The following RNF20 variants were observed in gnomAD, a reference collection of about 807,000 sequenced individuals.
The protein encoded by RNF20 is ring finger protein 20, also known as E3 ubiquitin-protein ligase BRE1A.
Under a neutral mutation model 126.2 loss-of-function variants are expected in RNF20, and 84 were observed. The ratio of observed to expected loss-of-function variants is 0.67; its 90% CI spans 0.56 to 0.80. The LOEUF (loss-of-function observed/expected upper bound fraction) is 0.80. Ranked by LOEUF, RNF20 falls within the 30% of genes least tolerant of loss-of-function variation. The pLI is 0.00. For synonymous variants in RNF20, 400 were observed against 414.3 expected (o/e 0.97, Z 0.42); for missense variants, 869 against 1,188.2 (o/e 0.73, Z 3.95).
chr9:101,549,510 C>T (rs529670329), intron 9 of RNF20, among the ~76,000 whole-genome samples: 8 of 152,094 alleles, frequency 5.3e-5, no homozygotes, highest in East Asian at 1.9e-4. Context: ...TAACGGCGGA[C>T]GAGCCTGACT....
chr9:101,545,035 A>G (rs1438165704), intron 6 of RNF20, 150 bp downstream of exon 6: 2 of 644,190 alleles, frequency 3.1e-6, no homozygotes, highest in Non-Finnish European at 5.6e-6. Context: ...CCAAACCTCC[A>G]AATAATGAAT....
Position 101,557,542 on chromosome 9 carries a change from G to A in RNF20, c.2328G>A (p.Leu776=), listed in dbSNP as rs1827553496. 6.8e-6 allele frequency: 11 copies of A among 1,613,894 alleles called. 1 individual carries two copies. Among genetic ancestry groups the A allele is most frequent in the African/African-American group, 6.7e-5 (5 of 74,906 alleles). The change falls in exon 16 of 20, where the codon TTG becomes TTA. Residue 776 remains leucine (L), a synonymous_variant. Transcript: ENST00000389120. ...TCAAGTCCAATCAGATCCATAAGTT[G>A]CTTAAAGAAGAGAAGGAGGAGCTGG... The part of the protein sequence containing the change: ...ERIKSNQIHK[L]LKEEKEELAD...
At chr9:101,560,249 C>A (rs1169419435) in intron 16 of RNF20, among the ~76,000 whole-genome samples, 2 of 152,086 alleles carry the variant, frequency 1.3e-5, no homozygotes, top group Non-Finnish European at 2.9e-5. Context: ...GTGTGAGACC[C>A]ACTTGATCAT....
intron 6 of RNF20, among the ~76,000 whole-genome samples, chr9:101,546,459 A>G (rs930229146): frequency 6.6e-6 from 1 of 152,142 alleles, no homozygotes; most frequent in Non-Finnish European, 1.5e-5. Flanking sequence ...TTGAAAAAAT[A>G]TTTATCTTAC....
chr9:101,540,973 G>T lies in RNF20; in HGVS notation c.626G>T (p.Gly209Val). ...CTCTTATCCCGGAAGCTAAACAGTG[G>T]AGGTGAGGCAAGACCCTGGAGGCCG... is the stretch of plus-strand genomic sequence containing the variant. ...VELLSRKLNS[G>V]DNLIVEEAVQ... Residue 209 changes from glycine (G) to valine (V), a missense_variant and splice_region_variant, in exon 5 of 20, where the codon GGA becomes GTA. By Grantham distance (109) the Gly-to-Val change is moderately radical. Around this residue, in one of 8 missense-constraint regions of RNF20, gnomAD observed 103 missense variants for 94.3 expected, o/e 1.09. Coordinates refer to ENST00000389120, the MANE Select transcript of RNF20 (RefSeq NM_019592.7). 1.2e-6 allele frequency: 2 copies of T among 1,613,872 alleles called. No individual in the cohort carries two copies. Among genetic ancestry groups the T allele is most frequent in the Non-Finnish European group, 1.7e-6 (2 of 1,179,788 alleles).
In RNF20 at chr9:101,540,775, T is replaced by C; in HGVS notation, c.446-18T>C. On this transcript the variant is annotated intron_variant, in intron 4 of 19. Transcript: ENST00000389120. ...TTATAATTTTGGGGGGCTTCTTTTTTTCCCCCTGTGTCCTCAGGGGAAGGG... is the reference window on the plus strand; with the variant it reads ...TTATAATTTTGGGGGGCTTCTTTTTCTCCCCCTGTGTCCTCAGGGGAAGGG... 3.8e-6 allele frequency: 6 copies of C among 1,594,486 alleles called. No homozygotes were observed. In the South Asian group the frequency reaches 6.8e-5, roughly 18 times the overall value.
rs762328357 is a variant in RNF20 at position 101,562,025 on chromosome 9, C to G, written c.2751+14C>G. On this transcript the variant is annotated intron_variant, in intron 19 of 19. Transcript: ENST00000389120. ...AAGGATTACAAGGTTAGAAAAAATG[C>G]CTTAGTGATTAGTTTTTTGTCAAAG... 6.4e-7 allele frequency: 1 copy of G among 1,561,394 alleles called. No homozygotes were observed. The highest frequency in any genetic ancestry group is 1.1e-5 in the South Asian group (1 of 87,792).
At chr9:101,546,691 T>C (rs1018055531) in intron 6 of RNF20, 129 bp from the exon 7 acceptor site, 10 of 801,562 alleles carry the variant, frequency 1.2e-5, no homozygotes, top group African/African-American at 3.4e-5. Context: ...TTTGTAATCA[T>C]GCATTGGGAA....
rs575548449 is a variant in RNF20 at position 101,561,299 on chromosome 9, A to C, written c.2649+69A>C. The C allele has an allele frequency of 1.1e-5, 16 of 1,484,608 alleles. No individual in the cohort carries two copies. The African/African-American group carries it at 2.1e-4, about 19-fold the overall frequency. 92.0% of individuals were successfully genotyped at this position (1,484,608 alleles called of 1,614,324 possible). A position where few individuals can be genotyped will look rare whatever the true frequency, so the allele number is the denominator to read the frequency against. On this transcript the variant is annotated intron_variant, in intron 18 of 19. Coordinates refer to ENST00000389120, the MANE Select transcript of RNF20 (RefSeq NM_019592.7). Reference sequence around the variant, plus strand: ...GAGGTCGGAAGTGACCCATATCATGAAAGAATCATTAGTCCAATGTATGTC... The same window carrying C: ...GAGGTCGGAAGTGACCCATATCATGCAAGAATCATTAGTCCAATGTATGTC...
chr9:101,545,994 G>A (rs1259693008), intron 6 of RNF20, among the ~76,000 whole-genome samples: 1 of 152,076 alleles, frequency 6.6e-6, no homozygotes, highest in Non-Finnish European at 1.5e-5. Context: ...ATTTTTACAT[G>A]TTGGCTGACT....
intron 2 of RNF20, among the ~76,000 whole-genome samples, chr9:101,539,209 TAAAG>T (rs888897591): frequency 6.6e-6 from 1 of 152,164 alleles, no homozygotes; most frequent in Non-Finnish European, 1.5e-5. Flanking sequence ...GCTCACTTGA[TAAAG>T]AAATATTTCT....
rs1408315741 is a variant in RNF20 at position 101,543,386 on chromosome 9, A to AC, written c.629-1379dup. Among the ~76,000 whole-genome samples the AC allele has an allele frequency of 6.6e-3, 783 of 119,350 alleles. 3 individuals carry two copies. The highest frequency in any genetic ancestry group is 0.011 in the Admixed American group (127 of 11,372). 78.3% of individuals were successfully genotyped at this position (119,350 alleles called of 152,430 possible). A position where few individuals can be genotyped will look rare whatever the true frequency, so the allele number is the denominator to read the frequency against. ...AACCCTGCCAGGGCGGCACTGTCTA[A>AC]CCTGCCAGAGCGGCACTGTCTAACC... is the stretch of plus-strand genomic sequence containing the variant. On this transcript the variant is annotated intron_variant, in intron 5 of 19. Transcript: ENST00000389120.
At position 101,552,235 on chromosome 9, in the gene RNF20, G is replaced by T; in HGVS notation, c.1503G>T (p.Leu501Phe). Residue 501 changes from leucine to phenylalanine, a missense_variant, in exon 12 of 20, where the codon TTG (leucine) becomes TTT (phenylalanine). Transcript: ENST00000389120. ...KGEVLRYKRKLREAQSDLNKT... is the reference protein window; with the variant it reads ...KGEVLRYKRKFREAQSDLNKT... ...AGGTCCTGAGATATAAGCGGAAATT[G>T]AGAGAAGCCCAGTCTGACCTGAACA... 6.2e-7 allele frequency: 1 copy of T among 1,614,204 alleles called. No homozygotes were observed. Among genetic ancestry groups the T allele is most frequent in the Non-Finnish European group, 8.5e-7 (1 of 1,180,024 alleles).
At position 101,554,070 on chromosome 9, in the gene RNF20, C is replaced by A. The variant is rs866856201; in HGVS notation, c.1984C>A (p.Gln662Lys). The change falls in exon 14 of 20, where the codon CAG becomes AAG. Residue 662 changes from glutamine to lysine, a missense_variant. This residue lies in a region of RNF20 where 231 missense variants were observed against 263.6 expected (regional missense o/e 0.88). Coordinates refer to ENST00000389120, the MANE Select transcript of RNF20 (RefSeq NM_019592.7). ...CCCAAAGGAACAGAGAGACAAAGTT[C>A]AGCTGATGGCAGCTGAGAAGAAGTC... is the stretch of plus-strand genomic sequence containing the variant. ...SAPKEQRDKV[Q>K]LMAAEKKSKA... The A allele has an allele frequency of 6.2e-7, 1 of 1,611,552 alleles. No homozygotes were observed. Among genetic ancestry groups the A allele is most frequent in the South Asian group, 1.1e-5 (1 of 91,002 alleles).
intron 19 of RNF20, 50 bp downstream of exon 19, chr9:101,562,061 C>T (rs754532677): frequency 7.2e-7 from 1 of 1,387,084 alleles, no homozygotes; most frequent in South Asian, 1.2e-5. Context: ...CTTTAAGTGG[C>T]CTAATAGACT....
At chr9:101,535,233 A>ATT (rs78332864) in intron 1 of RNF20, among the ~76,000 whole-genome samples, 165 bp from the exon 2 acceptor site, 2 of 142,452 alleles carry the variant, frequency 1.4e-5, no homozygotes, top group Non-Finnish European at 3.1e-5. Flanking sequence ...CTACAATTTA[A>ATT]TTTTTTTTTT....
At chr9:101,549,571 C>G (rs1827408755) in intron 9 of RNF20, among the ~76,000 whole-genome samples, 1 of 152,050 alleles carries the variant, frequency 6.6e-6, no homozygotes, top group Non-Finnish European at 1.5e-5. Flanking sequence ...CTCTAAACTC[C>G]TCCCGGGAAA....
At chr9:101,557,280 A>C in intron 15 of RNF20, 104 bp from the exon 16 acceptor site, 1 of 787,136 alleles carries the variant, frequency 1.3e-6, no homozygotes, top group Non-Finnish European at 2.0e-6. Flanking sequence ...CTGTCACTAA[A>C]TTAATTTATA....
At position 101,544,856 on chromosome 9, in the gene RNF20, C is replaced by T. The variant is rs267602056; in HGVS notation, c.718C>T (p.Gln240Ter). The T allele has an allele frequency of 6.2e-7, 1 of 1,613,122 alleles. No homozygotes were observed. Among genetic ancestry groups the T allele is most frequent in the Non-Finnish European group, 8.5e-7 (1 of 1,179,106 alleles). The change falls in exon 6 of 20, where the codon CAG becomes TAG. Residue 240 changes from glutamine (Q) to a stop codon, truncating the protein, a stop_gained. Transcript: ENST00000389120. LOFTEE classifies it high-confidence loss of function. ...MRLQELTDLL[Q>*]EKHRTMSQEF... ...GCTACAGGAATTGACAGATCTTCTT[C>T]AGGAAAAGCATCGCACCATGTCTCA...
Sources: allele counts gnomAD v4.1 joint callset (sites outside exome capture counted in the v4.1 genomes callset), GRCh38; gene constraint gnomAD v4.1.1; regional missense constraint gnomAD v4.1.1; transcripts MANE v1.5; gene names NCBI Gene and HGNC (gene_info 2026-07-23, HGNC 2026-07-21).